Variants in ZDHHC20 observed in about 807,000 individuals in gnomAD.
ZDHHC20 encodes the protein palmitoyltransferase ZDHHC20.
ZDHHC20 carries 43 observed loss-of-function variants against 57.8 expected under a neutral mutation model. The ratio of observed to expected loss-of-function variants is 0.74; its 90% CI spans 0.58 to 0.96. The LOEUF (loss-of-function observed/expected upper bound fraction) is 0.96. ZDHHC20 is among the 40% of genes least tolerant of loss of function. The pLI is 0.00. For synonymous variants in ZDHHC20, 157 were observed against 153.0 expected, an observed-to-expected ratio of 1.03 and a Z score of -0.19; for missense variants, 391 against 441.1, an observed-to-expected ratio of 0.89 and a Z score of 1.02.
intron 8 of ZDHHC20, among the ~76,000 whole-genome samples, chr13:21,389,218 A>G (rs1461065691): frequency 6.6e-6 from 1 of 152,182 alleles, no homozygotes; most frequent in Non-Finnish European, 1.5e-5. Flanking sequence ...CAGAGGTGAT[A>G]CAGCAGAATA....
At chr13:21,456,762 A>G (rs9509734) in intron 1 of ZDHHC20, among the ~76,000 whole-genome samples, 16,139 of 152,232 alleles carry the variant, frequency 0.11, 954 homozygotes, top group African/African-American at 0.14. Context: ...GGCCATAGTT[A>G]TAGAATGTTT....
intron 2 of ZDHHC20, among the ~76,000 whole-genome samples, chr13:21,424,689 C>A (rs1279198591): frequency 2.8e-5 from 4 of 144,666 alleles, no homozygotes; most frequent in African/African-American, 7.6e-5. Context: ...CCAGCCTGGG[C>A]AACAGAGCGA....
At chr13:21,398,372 C>G (rs575275301) in intron 7 of ZDHHC20, among the ~76,000 whole-genome samples, 299 of 150,982 alleles carry the variant, frequency 2.0e-3, no homozygotes, top group African/African-American at 6.9e-3. Flanking sequence ...GCTGAGGCAG[C>G]AGAATGGCAT....
At position 21,399,219 on chromosome 13, in the gene ZDHHC20, C is replaced by A. The variant is rs57488633; in HGVS notation, c.594+1154G>T. ...TTACCCAGGCATTGTGGTGGAGCAC[C>A]CATAATCCCAGCTATTCAGGGAGGC... On this transcript the variant is annotated intron_variant, in intron 7 of 12. Coordinates refer to ENST00000400590, the MANE Select transcript of ZDHHC20 (RefSeq NM_001330059.2). Among the ~76,000 whole-genome samples, 692 of 151,950 alleles carry A rather than the reference C, an allele frequency of 4.6e-3. 9 individuals are homozygous for A. The highest frequency in any genetic ancestry group is 0.016 in the African/African-American group (654 of 41,484).
intron 8 of ZDHHC20, among the ~76,000 whole-genome samples, chr13:21,390,647 C>T (rs561962336): frequency 6.6e-6 from 1 of 152,162 alleles, no homozygotes; most frequent in Admixed American, 6.5e-5. Context: ...CATCTGTAAT[C>T]CTAGCATTTT....
Position 21,381,453 on chromosome 13 carries a change from T to C in ZDHHC20, c.1041A>G (p.Glu347=), listed in dbSNP as rs1873396463. 1 of 1,613,734 alleles carries C rather than the reference T, an allele frequency of 6.2e-7. No homozygotes were observed. The highest frequency in any genetic ancestry group is 1.3e-5 in the African/African-American group (1 of 74,944). The change falls in exon 11 of 13, where the codon GAA becomes GAG. Residue 347 remains glutamate (E), a synonymous_variant. Transcript: ENST00000400590. ...TATTACCTGATTTGACGATGCCTTC[T>C]TCAGCTCCATTCTCCAGCCACTGAG... The part of the protein sequence containing the change: ...SESQWLENGA[E]EGIVKSGTNN...
At chr13:21,447,930 C>T (rs866172086) in intron 1 of ZDHHC20, among the ~76,000 whole-genome samples, 10,022 of 93,644 alleles carry the variant, frequency 0.11, 242 homozygotes, top group Non-Finnish European at 0.17. Context: ...GCCTCTGCCC[C>T]GCCGCCCCAT....
intron 1 of ZDHHC20, among the ~76,000 whole-genome samples, chr13:21,450,070 TATCCAGATGGAGA>T (rs1186571935): frequency 1.3e-5 from 2 of 152,090 alleles, no homozygotes; most frequent in African/African-American, 4.8e-5. Flanking sequence ...ACAAGCTGAT[TATCCAGATGGAGA>T]ATGACTTTTC....
At chr13:21,449,086 G>A (rs1407620169) in intron 1 of ZDHHC20, among the ~76,000 whole-genome samples, 1 of 133,480 alleles carries the variant, frequency 7.5e-6, no homozygotes, top group African/African-American at 2.8e-5. Flanking sequence ...ACTGCGGAAG[G>A]CCGCAGGGTC....
At position 21,414,409 on chromosome 13, in the gene ZDHHC20, A is replaced by G. The variant is rs539492710; in HGVS notation, c.250-637T>C. The stretch of plus-strand genomic sequence containing the variant: ...GGAGTCTTGCTCTGTCGCCCAGGCT[A>G]GAGTGCAGTGGAGTGATTTCGGCTC... On this transcript the variant is annotated intron_variant, in intron 3 of 12. Transcript: ENST00000400590. Among the ~76,000 whole-genome samples the G allele has an allele frequency of 3.5e-4, 52 of 150,404 alleles. 1 individual carries two copies. The highest frequency in any genetic ancestry group is 3.5e-3 in the Middle Eastern group (1 of 288).
At chr13:21,384,457 CAAAA>C (rs11358320) in intron 9 of ZDHHC20, among the ~76,000 whole-genome samples, 1 of 76,136 alleles carries the variant, frequency 1.3e-5, no homozygotes, top group African/African-American at 5.4e-5. Context: ...ACTCTATCTC[CAAAA>C]AAAAAAAAAA....
At chr13:21,439,965 G>A (rs1057455757) in intron 1 of ZDHHC20, among the ~76,000 whole-genome samples, 4 of 150,308 alleles carry the variant, frequency 2.7e-5, no homozygotes, top group African/African-American at 9.8e-5. Context: ...TACTCAACAG[G>A]CCGAGGCACA....
rs181429183 is a variant in ZDHHC20, at chr13:21,375,034, T to C, written c.*1662A>G. 1,270 of 427,490 alleles carry C rather than the reference T, an allele frequency of 3.0e-3. 18 individuals carry two copies. The highest frequency in any genetic ancestry group is 0.022 in the African/African-American group (1,090 of 48,848). The allele number at this position is 427,490 out of a possible 1,614,324, so 26.5% of individuals were successfully genotyped here. A position where few individuals can be genotyped will look rare whatever the true frequency, so the allele number is the denominator to read the frequency against. Reference sequence around the variant, plus strand: ...CTGTAATCCCAGCTACTTGGGAGGCTGAGGCAGGAGACTCTATTGAACCTG... The same window carrying C: ...CTGTAATCCCAGCTACTTGGGAGGCCGAGGCAGGAGACTCTATTGAACCTG... On this transcript the variant is annotated 3_prime_UTR_variant, in exon 13 of 13. Transcript: ENST00000400590.
At chr13:21,445,544 T>C (rs918353337) in intron 1 of ZDHHC20, among the ~76,000 whole-genome samples, 6 of 152,214 alleles carry the variant, frequency 3.9e-5, no homozygotes, top group African/African-American at 9.6e-5. Context: ...ACCTGCCTAA[T>C]GAACAGGCTA....
At chr13:21,429,850 T>TCAC (rs1197640774) in intron 1 of ZDHHC20, among the ~76,000 whole-genome samples, 5 of 152,190 alleles carry the variant, frequency 3.3e-5, no homozygotes, top group African/African-American at 4.8e-5. Context: ...TCAAGTTCAT[T>TCAC]CACTTCACTT....
chr13:21,426,044 C>G (rs1881205708), intron 1 of ZDHHC20, among the ~76,000 whole-genome samples: 1 of 152,274 alleles, frequency 6.6e-6, no homozygotes, highest in South Asian at 2.1e-4. Context: ...CTGTGATGTA[C>G]TCTTATCAAC....
In ZDHHC20 at chr13:21,387,537, C is replaced by A; in HGVS notation, c.825G>T (p.Lys275Asn). The change falls in exon 9 of 13, where the codon AAG (lysine) becomes AAT (asparagine). Residue 275 changes from lysine (K) to asparagine (N), a missense_variant. Physicochemically the swap from Lys to Asn is moderately conservative, Grantham distance 94. Coordinates refer to ENST00000400590, the MANE Select transcript of ZDHHC20 (RefSeq NM_001330059.2). Reference sequence around the variant, plus strand: ...AAAATATTGGAAGTAGCCAATATTTCTTTTCATCACCAAAGACTTGTCTCC... The same window carrying A: ...AAAATATTGGAAGTAGCCAATATTTATTTTCATCACCAAAGACTTGTCTCC... ...KNWRQVFGDE[K>N]KYWLLPIFSS... 1.3e-6 allele frequency: 2 copies of A among 1,535,076 alleles called. No individual in the cohort carries two copies. Among genetic ancestry groups the A allele is most frequent in the Admixed American group, 2.0e-5 (1 of 49,130 alleles).
rs993380357 is a variant in ZDHHC20 at position 21,373,170 on chromosome 13, T to C, written c.*3526A>G. The C allele has an allele frequency of 2.0e-5, 3 of 152,192 alleles. No individual in the cohort carries two copies. The highest frequency in any genetic ancestry group is 6.5e-5 in the Admixed American group (1 of 15,282). The allele number at this position is 152,192 out of a possible 1,614,324, so 9.4% of individuals were successfully genotyped here. A position where few individuals can be genotyped will look rare whatever the true frequency, so the allele number is the denominator to read the frequency against. On this transcript the variant is annotated 3_prime_UTR_variant, in exon 13 of 13. Transcript: ENST00000400590. ...ACAGATTAGTTAAAAATACTTTCCA[T>C]TGATAGCAGTGCTAGTCCCTAGAAC...
intron 1 of ZDHHC20, among the ~76,000 whole-genome samples, chr13:21,432,493 C>T (rs1414993998): frequency 1.3e-5 from 2 of 152,062 alleles, no homozygotes; most frequent in Non-Finnish European, 1.5e-5. Flanking sequence ...CCATGCCTGA[C>T]TAATTTTTTT....
Sources: gnomAD v4.1 joint callset for allele counts (sites outside exome capture counted in the v4.1 genomes callset) on GRCh38, gnomAD v4.1.1 for gene constraint, MANE v1.5 for transcripts, NCBI Gene and HGNC (gene_info 2026-07-23, HGNC 2026-07-21) for gene names.